MBTD1: variants seen among roughly 807,000 people sequenced by gnomAD.
The protein encoded by MBTD1 is mbt domain containing 1.
In MBTD1, 24 loss-of-function variants were observed where a neutral mutation model predicts 87.8. The observed-to-expected ratio is 0.27, with a 90% CI of 0.20 to 0.38. The LOEUF is 0.38. Among genes scored for constraint, MBTD1 ranks in the 10% least tolerant of loss-of-function variants. The pLI is 1.00. For missense variants in MBTD1, 436 were observed against 760.2 expected, an observed-to-expected ratio of 0.57 and a Z score of 5.02; for synonymous variants, 237 against 248.6, an observed-to-expected ratio of 0.95 and a Z score of 0.44.
chr17:51,231,705 C>T (rs1302341040), intron 2 of MBTD1, among the ~76,000 whole-genome samples: 1 of 152,162 alleles, frequency 6.6e-6, no homozygotes, highest in African/African-American at 2.4e-5. Context: ...AGGCCTCTGA[C>T]TGTCCTAAGT....
chr17:51,235,876 C>T (rs1408933146), intron 2 of MBTD1, among the ~76,000 whole-genome samples: 1 of 152,112 alleles, frequency 6.6e-6, no homozygotes, highest in Non-Finnish European at 1.5e-5. Flanking sequence ...AAAGTTAAGA[C>T]TAAAGCTTCC....
At chr17:51,189,614 A>G (rs550820481) in intron 16 of MBTD1, among the ~76,000 whole-genome samples, 1 of 152,358 alleles carries the variant, frequency 6.6e-6, no homozygotes, top group Admixed American at 6.5e-5. Context: ...TGTCTACATA[A>G]AACTCACAGA....
intron 2 of MBTD1, among the ~76,000 whole-genome samples, chr17:51,240,072 C>T (rs759548346): frequency 1.1e-4 from 17 of 152,188 alleles, no homozygotes; most frequent in Non-Finnish European, 1.9e-4. Flanking sequence ...TTTAAGAATG[C>T]GGTCCCTTTA....
At chr17:51,257,089 TC>T (rs1264555445) in intron 2 of MBTD1, among the ~76,000 whole-genome samples, 1 of 152,236 alleles carries the variant, frequency 6.6e-6, no homozygotes, top group Non-Finnish European at 1.5e-5. Flanking sequence ...AATGATTAAA[TC>T]TATGTGCAAT....
At chr17:51,190,750 A>ATATAT (rs1188320210) in intron 16 of MBTD1, among the ~76,000 whole-genome samples, 1 of 39,712 alleles carries the variant, frequency 2.5e-5, no homozygotes. Flanking sequence ...AAAAAAAAAA[A>ATATAT]ATATATATAT....
At chr17:51,225,527 T>G (rs1484437289) in intron 2 of MBTD1, among the ~76,000 whole-genome samples, 1 of 115,818 alleles carries the variant, frequency 8.6e-6, no homozygotes, top group Non-Finnish European at 1.7e-5. Flanking sequence ...CATTTTTGTG[T>G]TTTTTTTTTT....
chr17:51,232,226 AG>A (rs1283917173), intron 2 of MBTD1, among the ~76,000 whole-genome samples: 17 of 152,178 alleles, frequency 1.1e-4, no homozygotes, highest in African/African-American at 3.6e-4. Context: ...AAGTGGTTCC[AG>A]GCTACCAGTG....
At chr17:51,210,629 G>A (rs774579127) in intron 6 of MBTD1, among the ~76,000 whole-genome samples, 61 of 151,992 alleles carry the variant, frequency 4.0e-4, no homozygotes, top group Non-Finnish European at 6.8e-4. Flanking sequence ...GGTGGCACAT[G>A]CCTGTAGTTC....
At position 51,226,953 on chromosome 17, in the gene MBTD1, T is replaced by C. The variant is rs969613982; in HGVS notation, c.-48-1744A>G. The stretch of plus-strand genomic sequence containing the variant: ...GCCAACACACAGACGTTTTTAAAAA[T>C]TGCTTTGGGCTGGGCGCGGTGACTC... On this transcript the variant is annotated intron_variant, in intron 2 of 16. Coordinates refer to ENST00000586178, the MANE Select transcript of MBTD1 (RefSeq NM_017643.3). Among the ~76,000 whole-genome samples, 39 of 150,754 alleles carry C rather than the reference T, an allele frequency of 2.6e-4. 1 individual carries two copies. Among genetic ancestry groups the C allele is most frequent in the African/African-American group, 5.3e-4 (22 of 41,272 alleles).
chr17:51,179,487 TATATATATATA>T lies in MBTD1; in HGVS notation c.*1078_*1088del, dbSNP rs2050206589. On this transcript the variant is annotated 3_prime_UTR_variant, in exon 17 of 17. Coordinates refer to ENST00000586178, the MANE Select transcript of MBTD1 (RefSeq NM_017643.3). The stretch of plus-strand genomic sequence containing the variant: ...CTGAATACAATTAAAGACAATTTTA[TATATATATATA>T]TATATATATATATATATATATATAT... 7 of 15,562 alleles carry T rather than the reference TATATATATATA, an allele frequency of 4.5e-4. No homozygotes were observed. Among genetic ancestry groups the T allele is most frequent in the South Asian group, 2.8e-3 (1 of 362 alleles). 1.0% of individuals were successfully genotyped at this position (15,562 alleles called of 1,614,324 possible).
intron 16 of MBTD1, among the ~76,000 whole-genome samples, chr17:51,181,019 ATCT>A (rs2050282395): frequency 7.4e-6 from 1 of 135,886 alleles, no homozygotes; most frequent in Non-Finnish European, 1.5e-5. Flanking sequence ...CTGAAGTACA[ATCT>A]TTTTTTTTTT....
rs57226972 is a variant in MBTD1 at position 51,181,021 on chromosome 17, CT to C, written c.1769-328del. 6.2e-3 allele frequency among the ~76,000 whole-genome samples: 760 copies of C among 122,674 alleles called. 8 individuals carry two copies. Among genetic ancestry groups the C allele is most frequent in the African/African-American group, 0.02 (637 of 31,932 alleles). The allele number at this position is 122,674 out of a possible 152,430, so 80.5% of individuals were successfully genotyped here. A position where few individuals can be genotyped will look rare whatever the true frequency, so the allele number is the denominator to read the frequency against. On this transcript the variant is annotated intron_variant, in intron 16 of 16. Transcript: ENST00000586178. ...TTCTTTCATGGTTCTGAAGTACAAT[CT>C]TTTTTTTTTTTTTTTTTTGAGATGG...
At chr17:51,213,051 T>C (rs2052348474) in intron 6 of MBTD1, among the ~76,000 whole-genome samples, 1 of 151,746 alleles carries the variant, frequency 6.6e-6, no homozygotes, top group Admixed American at 6.6e-5. Context: ...TTTTTATTTA[T>C]TTTTTGAGAC....
chr17:51,254,555 A>C (rs1342742097), intron 2 of MBTD1, among the ~76,000 whole-genome samples: 1 of 152,230 alleles, frequency 6.6e-6, no homozygotes, highest in African/African-American at 2.4e-5. Flanking sequence ...GATTTAAAGC[A>C]ACAGTGAACA....
At chr17:51,210,509 A>G (rs1034561112) in intron 6 of MBTD1, among the ~76,000 whole-genome samples, 2 of 151,904 alleles carry the variant, frequency 1.3e-5, no homozygotes, top group African/African-American at 4.8e-5. Context: ...TAATCCCAGC[A>G]CTTTGGGAGG....
At chr17:51,215,927 ATTTTT>A (rs35988235) in intron 6 of MBTD1, among the ~76,000 whole-genome samples, 22 of 114,210 alleles carry the variant, frequency 1.9e-4, no homozygotes, top group African/African-American at 5.5e-4. Context: ...TAAAGCCCTA[ATTTTT>A]TTTTTTTTTT....
At chr17:51,211,993 T>C (rs900824795) in intron 6 of MBTD1, among the ~76,000 whole-genome samples, 4 of 152,026 alleles carry the variant, frequency 2.6e-5, no homozygotes, top group African/African-American at 9.7e-5. Context: ...CTGACATACA[T>C]ATAGGTCAGG....
At chr17:51,222,809 T>G (rs553561679) in intron 3 of MBTD1, among the ~76,000 whole-genome samples, 2 of 151,588 alleles carry the variant, frequency 1.3e-5, no homozygotes, top group African/African-American at 4.8e-5. Flanking sequence ...CTGTTCATAA[T>G]TTTTTTTAGT....
In MBTD1 at chr17:51,257,126, T is replaced by C. The variant is rs562328179; in HGVS notation, c.-49+2017A>G. 4.6e-5 allele frequency among the ~76,000 whole-genome samples: 7 copies of C among 152,368 alleles called. No homozygotes were observed. In the South Asian group the frequency reaches 1.2e-3, roughly 27 times the overall value. ...TTTTGCCTGAAATCAAAAGTCATCT[T>C]GCACAGTTAAGAATACTGTGGTGTT... is the stretch of plus-strand genomic sequence containing the variant. On this transcript the variant is annotated intron_variant, in intron 2 of 16. Coordinates refer to ENST00000586178, the MANE Select transcript of MBTD1 (RefSeq NM_017643.3).
Sources: allele counts gnomAD v4.1 joint callset (sites outside exome capture counted in the v4.1 genomes callset), GRCh38; gene constraint gnomAD v4.1.1; transcripts MANE v1.5; gene names NCBI Gene and HGNC (gene_info 2026-07-23, HGNC 2026-07-21).